The following LRP6 variants were observed in gnomAD, a reference collection of about 807,000 sequenced individuals.
LRP6 encodes the protein LDL receptor related protein 6.
In LRP6, 43 loss-of-function variants were observed where a neutral mutation model predicts 184.1. The ratio of observed to expected loss-of-function variants is 0.23; its 90% CI spans 0.18 to 0.30. The LOEUF (loss-of-function observed/expected upper bound fraction) is 0.30, where lower values mean the gene tolerates loss of function less well. Ranked by LOEUF, LRP6 falls within the 10% of genes least tolerant of loss-of-function variation. The pLI is 1.00. For synonymous variants in LRP6, 719 were observed against 684.9 expected (o/e 1.05, Z -0.78); for missense variants, 1,571 against 2,005.3 (o/e 0.78, Z 4.14).
At chr12:12,170,802 C>T (rs991814178) in intron 7 of LRP6, among the ~76,000 whole-genome samples, 1 of 145,976 alleles carries the variant, frequency 6.9e-6, no homozygotes, top group Non-Finnish European at 1.5e-5. Context: ...CACACACACA[C>T]ACACACACAC....
At chr12:12,161,521 C>T (rs1202572195) in intron 10 of LRP6, among the ~76,000 whole-genome samples, 3 of 152,170 alleles carry the variant, frequency 2.0e-5, no homozygotes, top group Non-Finnish European at 4.4e-5. Context: ...GCCCACGCCT[C>T]GGCCTCCCAA....
At chr12:12,223,364 G>GT (rs1369882473) in intron 2 of LRP6, among the ~76,000 whole-genome samples, 1 of 152,164 alleles carries the variant, frequency 6.6e-6, no homozygotes, top group African/African-American at 2.4e-5. Flanking sequence ...CCTTGTTGCT[G>GT]TGTTTCCCCT....
rs543981863 is a variant in LRP6, at chr12:12,240,340, G to A, written c.449+3922C>T. On this transcript the variant is annotated intron_variant, in intron 2 of 22. Transcript: ENST00000261349. ...TGTAATGCCAGCACTTTGGGAGGCC[G>A]AGGCGGGCAGATCATGAGGTCAGGA... 8.5e-5 allele frequency among the ~76,000 whole-genome samples: 13 copies of A among 152,240 alleles called. No homozygotes were observed. The East Asian group carries it at 2.5e-3, about 29-fold the overall frequency.
chr12:12,159,322 C>T (rs1006196507), intron 11 of LRP6, among the ~76,000 whole-genome samples, 167 bp from the exon 12 acceptor site: 1 of 151,768 alleles, frequency 6.6e-6, no homozygotes, highest in South Asian at 2.1e-4. Flanking sequence ...TAAAACGAGA[C>T]CAATTCTCTG....
At chr12:12,163,599 T>A (rs182286250) in intron 9 of LRP6, among the ~76,000 whole-genome samples, 1 of 152,322 alleles carries the variant, frequency 6.6e-6, no homozygotes, top group East Asian at 1.9e-4. Context: ...TCCGCCTCAG[T>A]CAGGCCCTAA....
intron 19 of LRP6, among the ~76,000 whole-genome samples, chr12:12,129,265 T>C (rs1419729617): frequency 1.3e-5 from 2 of 152,202 alleles, no homozygotes; most frequent in African/African-American, 2.4e-5. Context: ...TGCTTGACCA[T>C]GCTAGTCTTT....
chr12:12,258,031 T>C (rs950631769), intron 1 of LRP6, among the ~76,000 whole-genome samples: 36 of 152,004 alleles, frequency 2.4e-4, no homozygotes, highest in African/African-American at 8.5e-4. Flanking sequence ...AGAAAACACG[T>C]TACATAGTCC....
At chr12:12,138,574 G>A (rs1279018660) in intron 15 of LRP6, 40 bp from the exon 16 acceptor site, 6 of 1,532,528 alleles carry the variant, frequency 3.9e-6, no homozygotes, top group Non-Finnish European at 5.4e-6. Context: ...GACTCATGTG[G>A]GTCAAGTTAT....
intron 3 of LRP6, among the ~76,000 whole-genome samples, chr12:12,188,141 G>A (rs1052549330): frequency 6.6e-6 from 1 of 151,240 alleles, no homozygotes; most frequent in Non-Finnish European, 1.5e-5. Context: ...AATCCAGGAG[G>A]CGGAGGTTGC....
In LRP6 at chr12:12,187,225, A is replaced by G. The variant is rs1008866045; in HGVS notation, c.648-106T>C. 8.3e-6 allele frequency: 7 copies of G among 846,068 alleles called. No individual in the cohort carries two copies. In the Admixed American group the frequency reaches 1.4e-4, roughly 17 times the overall value. 52.4% of individuals were successfully genotyped at this position (846,068 alleles called of 1,614,324 possible). On this transcript the variant is annotated intron_variant, in intron 3 of 22. Transcript: ENST00000261349. The stretch of plus-strand genomic sequence containing the variant: ...ATCTTAGTTCACATTAACACATACA[A>G]ATCTTGAGTAATACATACCAATAGG...
At chr12:12,176,382 C>T (rs1038503265) in intron 7 of LRP6, among the ~76,000 whole-genome samples, 5 of 152,350 alleles carry the variant, frequency 3.3e-5, no homozygotes, top group Admixed American at 3.3e-4. Flanking sequence ...GGAAAACAGA[C>T]ATACCCTCAC....
chr12:12,200,311 C>T (rs1863882208), intron 3 of LRP6, among the ~76,000 whole-genome samples: 1 of 152,104 alleles, frequency 6.6e-6, no homozygotes, highest in Non-Finnish European at 1.5e-5. Flanking sequence ...ATGTTTTTGT[C>T]TGGTAATTAA....
intron 2 of LRP6, among the ~76,000 whole-genome samples, chr12:12,224,078 C>T (rs1283365875): frequency 6.6e-6 from 1 of 152,140 alleles, no homozygotes; most frequent in African/African-American, 2.4e-5. Context: ...CAACAGTTTT[C>T]CCCCATCACC....
chr12:12,231,694 TTTTG>T (rs1864794237), intron 2 of LRP6, among the ~76,000 whole-genome samples: 1 of 151,590 alleles, frequency 6.6e-6, no homozygotes, highest in African/African-American at 2.4e-5. Flanking sequence ...TTTTTTTTTG[TTTTG>T]TTTTTGTTTA....
At chr12:12,234,069 C>CACA (rs1864866474) in intron 2 of LRP6, among the ~76,000 whole-genome samples, 1 of 152,120 alleles carries the variant, frequency 6.6e-6, no homozygotes, top group Non-Finnish European at 1.5e-5. Flanking sequence ...GCAGGCGGAT[C>CACA]ACAAGGTCAG....
intron 15 of LRP6, among the ~76,000 whole-genome samples, chr12:12,139,795 A>C (rs1379210100): frequency 6.6e-6 from 1 of 152,168 alleles, no homozygotes; most frequent in Admixed American, 6.5e-5. Context: ...AAGGCAGAAG[A>C]ACAGAAGAGA....
Position 12,118,052 on chromosome 12 carries a change from G to C in LRP6, c.*3074C>G, listed in dbSNP as rs756239619. On this transcript the variant is annotated 3_prime_UTR_variant, in exon 23 of 23. Transcript: ENST00000261349. ...AAAGAATCAGAGATCTCTTGGTAAT[G>C]TATCACAAGCTACTTTTATATTAAA... The C allele has an allele frequency of 9.9e-5, 15 of 152,144 alleles. No individual in the cohort carries two copies. The highest frequency in any genetic ancestry group is 1.2e-4 in the African/African-American group (5 of 41,428). The allele number at this position is 152,144 out of a possible 1,614,324, so 9.4% of individuals were successfully genotyped here.
At chr12:12,205,312 ACT>A (rs1203913812) in intron 2 of LRP6, among the ~76,000 whole-genome samples, 1 of 128,596 alleles carries the variant, frequency 7.8e-6, no homozygotes, top group Non-Finnish European at 1.6e-5. Context: ...ACAGAATAAG[ACT>A]CTGTCTCAAA....
At chr12:12,220,287 C>CAAA (rs924870246) in intron 2 of LRP6, among the ~76,000 whole-genome samples, 3 of 126,490 alleles carry the variant, frequency 2.4e-5, no homozygotes, top group African/African-American at 8.7e-5. Flanking sequence ...GAACCTGCCT[C>CAAA]AAAAAAAAAA....
Sources: allele counts gnomAD v4.1 joint callset (sites outside exome capture counted in the v4.1 genomes callset), GRCh38; gene constraint gnomAD v4.1.1; transcripts MANE v1.5; gene names NCBI Gene and HGNC (gene_info 2026-07-23, HGNC 2026-07-21).